Variants in ENSA observed in about 807,000 individuals in gnomAD.
ENSA encodes alpha-endosulfine.
A neutral mutation model predicts 16.8 loss-of-function variants in ENSA; 7 were observed. The observed-to-expected ratio is 0.42, with a 90% CI of 0.24 to 0.78. The LOEUF (loss-of-function observed/expected upper bound fraction) is 0.78, where lower values mean the gene tolerates loss of function less well. Among genes scored for constraint, ENSA ranks in the 30% least tolerant of loss-of-function variants. ENSA has a pLI of 0.29. For missense variants in ENSA, 87 were observed against 142.3 expected, an observed-to-expected ratio of 0.61 and a Z score of 1.98; for synonymous variants, 58 against 53.4, an observed-to-expected ratio of 1.09 and a Z score of -0.37.
chr1:150,628,423 T>C (rs979660851), intron 1 of ENSA, among the ~76,000 whole-genome samples: 1 of 151,570 alleles, frequency 6.6e-6, no homozygotes, highest in Non-Finnish European at 1.5e-5. Flanking sequence ...TCACTAGTAT[T>C]TACCCACCAG....
rs748021169 is a variant in ENSA at position 150,627,455 on chromosome 1, T to G, written c.183+12A>C. The G allele has an allele frequency of 3.8e-5, 62 of 1,614,252 alleles. No homozygotes were observed. The Middle Eastern group carries it at 4.9e-4, about 13-fold the overall frequency. ...GCTCCAAAGAAAGAGGGTAAGAGACTATGCCCCATACCCCTTTCTGGAGTC... is the reference window on the plus strand; with the variant it reads ...GCTCCAAAGAAAGAGGGTAAGAGACGATGCCCCATACCCCTTTCTGGAGTC... On this transcript the variant is annotated intron_variant, in intron 2 of 3. Transcript: ENST00000369014.
At chr1:150,625,476 G>C in intron 3 of ENSA, 166 bp downstream of exon 3, 1 of 1,333,818 alleles carries the variant, frequency 7.5e-7, no homozygotes, top group Non-Finnish European at 9.6e-7. Flanking sequence ...AATAAACTTA[G>C]AGCCCCTTTT....
intron 3 of ENSA, chr1:150,623,439 G>C: frequency 1.0e-6 from 1 of 985,824 alleles, no homozygotes; most frequent in Non-Finnish European, 1.2e-6. Context: ...AAGATGACCA[G>C]GTAGAGAGAC....
intron 3 of ENSA, 48 bp downstream of exon 3, chr1:150,625,594 T>C (rs1649246150): frequency 2.6e-6 from 4 of 1,529,014 alleles, no homozygotes; most frequent in African/African-American, 1.4e-5. Context: ...CTATAATATA[T>C]AAACGTCCAG....
chr1:150,626,901 G>A (rs1649370803), intron 2 of ENSA: 6 of 384,514 alleles, frequency 1.6e-5, no homozygotes, highest in Non-Finnish European at 2.1e-5. Flanking sequence ...GGTACCTTTG[G>A]GAACTAAAAA....
At chr1:150,629,373 C>T (rs992757432) in intron 1 of ENSA, 41 bp downstream of exon 1, 1 of 1,602,320 alleles carries the variant, frequency 6.2e-7, no homozygotes, top group Non-Finnish European at 8.5e-7. Context: ...CGCCCCATCA[C>T]GGTCTCCCCA....
rs377703420 is a variant in ENSA, at chr1:150,623,106, A to G, written c.351-247T>C. On this transcript the variant is annotated intron_variant, in intron 3 of 3. Transcript: ENST00000369014. ...TCTGGGATATCCATGGATAACAAACATAGAAAAATAATTCTTTAGATAAGA... is the reference window on the plus strand; with the variant it reads ...TCTGGGATATCCATGGATAACAAACGTAGAAAAATAATTCTTTAGATAAGA... Among the ~76,000 whole-genome samples, 20 of 152,318 alleles carry G rather than the reference A, an allele frequency of 1.3e-4. No individual in the cohort carries two copies. The East Asian group carries it at 2.3e-3, about 18-fold the overall frequency.
chr1:150,624,965 C>T (rs1410881039), intron 3 of ENSA: 2 of 984,930 alleles, frequency 2.0e-6, no homozygotes, highest in African/African-American at 1.7e-5. Context: ...GTCCCACTAT[C>T]CCATGATACT....
At chr1:150,626,474 CCCA>C (rs752327518) in intron 2 of ENSA, 2 of 1,611,384 alleles carry the variant, frequency 1.2e-6, no homozygotes, top group South Asian at 1.1e-5. Flanking sequence ...GGATGTTTCA[CCCA>C]CCATTTCATC....
chr1:150,625,192 A>T, intron 3 of ENSA: 2 of 986,474 alleles, frequency 2.0e-6, no homozygotes, highest in Non-Finnish European at 1.2e-6. Flanking sequence ...TAGCAGCCTA[A>T]GGGACAGAAC....
At chr1:150,629,048 C>T (rs1557772384) in intron 1 of ENSA, 3 of 1,614,090 alleles carry the variant, frequency 1.9e-6, no homozygotes, top group African/African-American at 2.7e-5. Flanking sequence ...AGCCCGGTTG[C>T]TGGGTCACTT....
intron 1 of ENSA, among the ~76,000 whole-genome samples, 171 bp from the exon 2 acceptor site, chr1:150,627,763 TG>T (rs1203829308): frequency 1.2e-4 from 18 of 152,214 alleles, no homozygotes; most frequent in African/African-American, 4.3e-4. Flanking sequence ...AAGCTCAAGA[TG>T]ACTATTGTGA....
chr1:150,625,095 C>T, intron 3 of ENSA: 1 of 985,354 alleles, frequency 1.0e-6, no homozygotes, highest in Non-Finnish European at 1.2e-6. Flanking sequence ...GTAATGGAGG[C>T]TAAGGGGGCA....
intron 2 of ENSA, 90 bp from the exon 3 acceptor site, chr1:150,625,898 T>A: frequency 6.8e-7 from 1 of 1,478,062 alleles, no homozygotes; most frequent in South Asian, 1.5e-5. Context: ...TTATAAACCC[T>A]CATGCACACT....
At chr1:150,622,915 A>G (rs1649060551) in intron 3 of ENSA, 56 bp from the exon 4 acceptor site, 11 of 1,530,692 alleles carry the variant, frequency 7.2e-6, no homozygotes, top group South Asian at 2.5e-5. Context: ...GTAATAGGGG[A>G]AAAAAACCCT....
chr1:150,623,600 G>A (rs1019758871), intron 3 of ENSA: 1 of 984,606 alleles, frequency 1.0e-6, no homozygotes, highest in Non-Finnish European at 1.2e-6. Flanking sequence ...AATTTGAGAA[G>A]ATCGGAGATG....
chr1:150,629,404 T>C lies in ENSA; in HGVS notation c.57+10A>G. ...CCCCAGCTCGCCCGCCCGCACCCCT[T>C]CCACTTCACCTGCTTCTCCTCGCCG... On this transcript the variant is annotated intron_variant, in intron 1 of 3. Transcript: ENST00000369014. The C allele has an allele frequency of 6.2e-7, 1 of 1,612,686 alleles. No homozygotes were observed. Among genetic ancestry groups the C allele is most frequent in the Non-Finnish European group, 8.5e-7 (1 of 1,179,182 alleles).
At chr1:150,623,426 T>C in intron 3 of ENSA, 1 of 985,880 alleles carries the variant, frequency 1.0e-6, no homozygotes. Context: ...TTTCTTAGCC[T>C]TGAAGATGAC....
Position 150,629,465 on chromosome 1 carries a change from G to C in ENSA, c.6C>G (p.Ser2=). 6.2e-7 allele frequency: 1 copy of C among 1,613,680 alleles called. No homozygotes were observed. Among genetic ancestry groups the C allele is most frequent in the Non-Finnish European group, 8.5e-7 (1 of 1,179,744 alleles). Residue 2 remains serine (S), a synonymous_variant, in exon 1 of 4, where the codon TCC becomes TCG. Transcript: ENST00000369014. M[S]QKQEEENPAE... ...CAGGGTTCTCTTCTTCTTGTTTCTG[G>C]GACATGGCGGGACCGGGACTGTGGA...
Sources: gnomAD v4.1 joint callset for allele counts (sites outside exome capture counted in the v4.1 genomes callset) on GRCh38, gnomAD v4.1.1 for gene constraint, MANE v1.5 for transcripts, NCBI Gene and HGNC (gene_info 2026-07-23, HGNC 2026-07-21) for gene names.